Variants in SMYD3 observed in about 807,000 individuals in gnomAD.
SMYD3 encodes SET and MYND domain containing 3, also known as histone-lysine N-methyltransferase SMYD3.
Under a neutral mutation model 57.7 loss-of-function variants are expected in SMYD3, and 36 were observed. That is an observed-to-expected ratio of 0.62 (90% CI 0.48 to 0.82). The LOEUF (loss-of-function observed/expected upper bound fraction) is 0.82, where lower values mean the gene tolerates loss of function less well. Among genes scored for constraint, SMYD3 ranks in the 40% least tolerant of loss-of-function variants. SMYD3 has a pLI of 0.00. For missense variants in SMYD3, 515 were observed against 538.8 expected (o/e 0.96, Z 0.44); for synonymous variants, 211 against 195.0 (o/e 1.08, Z -0.68).
chr1:246,469,398 C>G (rs1179367870), intron 1 of SMYD3, among the ~76,000 whole-genome samples: 2 of 152,142 alleles, frequency 1.3e-5, no homozygotes, highest in Admixed American at 6.5e-5. Context: ...TGGCTGAAAC[C>G]AGGCTGAGAA....
chr1:246,050,051 C>G, intron 5 of SMYD3, among the ~76,000 whole-genome samples: 1 of 152,196 alleles, frequency 6.6e-6, no homozygotes, highest in Admixed American at 6.5e-5. Context: ...ATTAATATAA[C>G]CAACAAACAA....
At chr1:246,328,615 C>T (rs1447397585) in intron 4 of SMYD3, among the ~76,000 whole-genome samples, 1 of 149,318 alleles carries the variant, frequency 6.7e-6, no homozygotes, top group Non-Finnish European at 1.5e-5. Context: ...CCAATGATTT[C>T]TTTTTTTTTC....
At chr1:246,042,054 G>A (rs2059887201) in intron 5 of SMYD3, among the ~76,000 whole-genome samples, 1 of 152,144 alleles carries the variant, frequency 6.6e-6, no homozygotes, top group Admixed American at 6.5e-5. Flanking sequence ...TGACTGATAA[G>A]TCACATTTTG....
At chr1:246,320,005 C>T (rs983364592) in intron 5 of SMYD3, among the ~76,000 whole-genome samples, 2 of 152,164 alleles carry the variant, frequency 1.3e-5, no homozygotes, top group Non-Finnish European at 2.9e-5. Context: ...ACCGGCCAAA[C>T]ACAAGCATGT....
At chr1:246,101,434 C>T (rs1472937135) in intron 5 of SMYD3, among the ~76,000 whole-genome samples, 1 of 152,184 alleles carries the variant, frequency 6.6e-6, no homozygotes, top group African/African-American at 2.4e-5. Context: ...TTCCTTCAAT[C>T]TCTGCCAATC....
intron 5 of SMYD3, among the ~76,000 whole-genome samples, chr1:246,064,854 TG>T (rs1235159335): frequency 1.3e-5 from 2 of 152,258 alleles, no homozygotes; most frequent in African/African-American, 4.8e-5. Flanking sequence ...GCATTGGCTT[TG>T]TTCAAAAGCT....
At chr1:245,835,318 C>T (rs190527930) in intron 10 of SMYD3, among the ~76,000 whole-genome samples, 12 of 152,102 alleles carry the variant, frequency 7.9e-5, no homozygotes, top group African/African-American at 1.9e-4. Flanking sequence ...CGGAGTTTCA[C>T]CATGTTGGCC....
chr1:246,356,908 T>C (rs541571866), intron 1 of SMYD3, among the ~76,000 whole-genome samples: 71 of 152,336 alleles, frequency 4.7e-4, no homozygotes, highest in South Asian at 2.7e-3. Context: ...CTGACCTTGC[T>C]AGAGATCTAG....
Position 246,268,953 on chromosome 1 carries a change from C to A in SMYD3, c.531+58248G>T, listed in dbSNP as rs544372172. ...ATGATCCAAACTTCATCACCGTTAA[C>A]CCAATTAACCCTAAAGTAGCTGAAG... On this transcript the variant is annotated intron_variant, in intron 5 of 11. Coordinates refer to ENST00000490107, the MANE Select transcript of SMYD3 (RefSeq NM_001167740.2). 2.5e-3 allele frequency among the ~76,000 whole-genome samples: 330 copies of A among 131,818 alleles called. 2 individuals are homozygous for A. Among genetic ancestry groups the A allele is most frequent in the Middle Eastern group, 0.011 (3 of 272 alleles). 86.5% of individuals were successfully genotyped at this position (131,818 alleles called of 152,430 possible).
chr1:246,481,641 T>TAA (rs1558484579), intron 1 of SMYD3, among the ~76,000 whole-genome samples: 6 of 108,646 alleles, frequency 5.5e-5, no homozygotes, highest in African/African-American at 1.4e-4. Flanking sequence ...CATACACATA[T>TAA]TCATATATGA....
intron 5 of SMYD3, among the ~76,000 whole-genome samples, chr1:246,289,168 A>T (rs535519046): frequency 9.2e-5 from 14 of 152,182 alleles, no homozygotes; most frequent in Non-Finnish European, 1.9e-4. Context: ...TATCCAAAAC[A>T]TGAAAAAAGA....
chr1:246,209,935 A>G (rs1194731690), intron 5 of SMYD3, among the ~76,000 whole-genome samples: 6 of 152,178 alleles, frequency 3.9e-5, no homozygotes, highest in Non-Finnish European at 8.8e-5. Context: ...CTCCCCGTTC[A>G]TGAATTACAA....
chr1:246,368,524 AG>A (rs1422696303), intron 1 of SMYD3, among the ~76,000 whole-genome samples: 2 of 152,246 alleles, frequency 1.3e-5, no homozygotes, highest in Non-Finnish European at 2.9e-5. Context: ...CTCATTATTC[AG>A]AGCTCCTTCC....
chr1:246,189,902 G>A (rs147603288), intron 5 of SMYD3, among the ~76,000 whole-genome samples: 36 of 152,314 alleles, frequency 2.4e-4, no homozygotes, highest in African/African-American at 8.4e-4. Context: ...AAAGCAACAT[G>A]TACATTTCTC....
chr1:246,060,469 C>CA, intron 5 of SMYD3, among the ~76,000 whole-genome samples: 1 of 151,836 alleles, frequency 6.6e-6, no homozygotes, highest in East Asian at 1.9e-4. Flanking sequence ...CGTTTAACGA[C>CA]AAAAATGGCA....
At chr1:246,104,209 G>C (rs2061074946) in intron 5 of SMYD3, among the ~76,000 whole-genome samples, 1 of 152,214 alleles carries the variant, frequency 6.6e-6, no homozygotes, top group African/African-American at 2.4e-5. Context: ...CTCCAAGATG[G>C]AGATAAATTT....
intron 5 of SMYD3, among the ~76,000 whole-genome samples, chr1:246,168,926 G>A (rs1161546837): frequency 1.3e-5 from 2 of 152,060 alleles, no homozygotes; most frequent in Non-Finnish European, 2.9e-5. Context: ...GAAAAACAAA[G>A]GCTCTTTCAG....
At chr1:245,866,731 C>CA (rs2051874843) in intron 8 of SMYD3, among the ~76,000 whole-genome samples, 1 of 151,694 alleles carries the variant, frequency 6.6e-6, no homozygotes, top group African/African-American at 2.4e-5. Context: ...GACTCTGCCT[C>CA]AAAAAAAGAA....
At chr1:246,172,590 T>C (rs866232818) in intron 5 of SMYD3, among the ~76,000 whole-genome samples, 101 of 150,894 alleles carry the variant, frequency 6.7e-4, no homozygotes, top group Middle Eastern at 3.5e-3. Flanking sequence ...TGTACTCTAC[T>C]GTAGACTTTA....
Sources: allele counts gnomAD v4.1 joint callset (sites outside exome capture counted in the v4.1 genomes callset), GRCh38; gene constraint gnomAD v4.1.1; transcripts MANE v1.5; gene names NCBI Gene and HGNC (gene_info 2026-07-23, HGNC 2026-07-21).